ZSWIM7: variants seen among roughly 807,000 people sequenced by gnomAD.
ZSWIM7 encodes the protein zinc finger SWIM-type containing 7, also known as zinc finger SWIM domain-containing protein 7.
ZSWIM7 carries 22 observed loss-of-function variants against 21.1 expected under a neutral mutation model. The ratio of observed to expected loss-of-function variants is 1.04; its 90% CI spans 0.74 to 1.49. The LOEUF (loss-of-function observed/expected upper bound fraction) is 1.49, where lower values mean the gene tolerates loss of function less well. ZSWIM7 is among the 40% of genes most tolerant of loss of function. The pLI is 0.00. For missense variants in ZSWIM7, 193 were observed against 168.0 expected, an observed-to-expected ratio of 1.15 and a Z score of -0.82; for synonymous variants, 67 against 66.5, an observed-to-expected ratio of 1.01 and a Z score of -0.04.
chr17:15,986,033 T>C (rs1970405612), intron 3 of ZSWIM7, among the ~76,000 whole-genome samples: 1 of 148,724 alleles, frequency 6.7e-6, no homozygotes, highest in Non-Finnish European at 1.5e-5. Context: ...TCCAAGTTTT[T>C]TTTTGTGTTT....
chr17:15,982,970 C>A (rs1167764399), intron 3 of ZSWIM7, among the ~76,000 whole-genome samples: 1 of 152,044 alleles, frequency 6.6e-6, no homozygotes, highest in South Asian at 2.1e-4. Context: ...GGTTTTTTGA[C>A]GCAGTCAGAA....
In ZSWIM7 at chr17:15,981,063, G is replaced by A. The variant is rs1970349291; in HGVS notation, c.283C>T (p.Leu95=). The A allele has an allele frequency of 6.2e-7, 1 of 1,613,706 alleles. No homozygotes were observed. Among genetic ancestry groups the A allele is most frequent in the South Asian group, 1.1e-5 (1 of 91,048 alleles). Residue 95 remains leucine, a synonymous_variant, in exon 4 of 5, where the codon CTA becomes TTA. Coordinates refer to ENST00000399277, the MANE Select transcript of ZSWIM7 (RefSeq NM_001042697.2). ...ACCAGGATGCTGTCACTCTTCCGTA[G>A]CACTGAGAATGCAAATGCAGGACAT... ...CSCPAFAFSV[L]RKSDSILCKH... is the part of the protein sequence containing the mutation.
chr17:15,992,793 T>C (rs1353165769), intron 2 of ZSWIM7, among the ~76,000 whole-genome samples: 1 of 152,246 alleles, frequency 6.6e-6, no homozygotes, highest in African/African-American at 2.4e-5. Context: ...ATGACAATAC[T>C]GGATATGGTG....
rs544332187 is a variant in ZSWIM7 at position 15,993,661 on chromosome 17, C to T, written c.98+96G>A. Reference sequence around the variant, plus strand: ...GATTATAGGCGTGAGCCACTGCGCCCGGTCAAGAGTATTTTTAAAAATCAA... The same window carrying T: ...GATTATAGGCGTGAGCCACTGCGCCTGGTCAAGAGTATTTTTAAAAATCAA... On this transcript the variant is annotated intron_variant, in intron 2 of 4. Coordinates refer to ENST00000399277, the MANE Select transcript of ZSWIM7 (RefSeq NM_001042697.2). 7.0e-5 allele frequency: 71 copies of T among 1,009,544 alleles called. No individual in the cohort carries two copies. In the East Asian group the frequency reaches 1.3e-3, roughly 18 times the overall value. The allele number at this position is 1,009,544 out of a possible 1,614,324, so 62.5% of individuals were successfully genotyped here.
chr17:15,983,344 C>CAAA lies in ZSWIM7; in HGVS notation c.202-2203_202-2201dup, dbSNP rs58918337. On this transcript the variant is annotated intron_variant, in intron 3 of 4. Transcript: ENST00000399277. ...TGGGTGACAGGGCAAGACTCTGTCTCAAAAAAAAAAAAAAAAAAAAAAAAG... is the reference window on the plus strand; with the variant it reads ...TGGGTGACAGGGCAAGACTCTGTCTCAAAAAAAAAAAAAAAAAAAAAAAAAAAG... Among the ~76,000 whole-genome samples the CAAA allele has an allele frequency of 2.0e-3, 90 of 44,384 alleles. 3 individuals are homozygous for CAAA. The highest frequency in any genetic ancestry group is 0.021 in the Middle Eastern group (1 of 48). The allele number at this position is 44,384 out of a possible 152,430, so 29.1% of individuals were successfully genotyped here.
intron 3 of ZSWIM7, among the ~76,000 whole-genome samples, chr17:15,984,348 C>A (rs1412520780): frequency 6.6e-6 from 1 of 152,198 alleles, no homozygotes; most frequent in Non-Finnish European, 1.5e-5. Context: ...AGTGAAAAAA[C>A]AACTTCCTCT....
chr17:15,981,205 C>A, intron 3 of ZSWIM7, 61 bp from the exon 4 acceptor site: 1 of 1,262,822 alleles, frequency 7.9e-7, no homozygotes, highest in Non-Finnish European at 1.1e-6. Flanking sequence ...ACCTCTTTCC[C>A]TTTTTATTTA....
chr17:15,995,624 G>A (rs1000848241), intron 1 of ZSWIM7, among the ~76,000 whole-genome samples: 1 of 148,698 alleles, frequency 6.7e-6, no homozygotes, highest in African/African-American at 2.5e-5. Flanking sequence ...CAGAAAATCT[G>A]GAAGATAAAG....
rs574772182 is a variant in ZSWIM7 at position 15,979,670 on chromosome 17, AC to A, written c.306+1369del. Reference sequence around the variant, plus strand: ...GGGCGGCTGGCTGGGCGGAGGACTGACCCCCCCCACCTCCCTCCCGAATGGG... The same window carrying A: ...GGGCGGCTGGCTGGGCGGAGGACTGACCCCCCCACCTCCCTCCCGAATGGG... On this transcript the variant is annotated intron_variant, in intron 4 of 4. Coordinates refer to ENST00000399277, the MANE Select transcript of ZSWIM7 (RefSeq NM_001042697.2). 2.3e-4 allele frequency among the ~76,000 whole-genome samples: 23 copies of A among 101,300 alleles called. 3 individuals carry two copies. Among genetic ancestry groups the A allele is most frequent in the African/African-American group, 6.8e-4 (16 of 23,384 alleles). The allele number at this position is 101,300 out of a possible 152,430, so 66.5% of individuals were successfully genotyped here.
intron 2 of ZSWIM7, among the ~76,000 whole-genome samples, chr17:15,990,538 C>T (rs151088162): frequency 8.6e-5 from 13 of 152,008 alleles, no homozygotes; most frequent in Middle Eastern, 3.4e-3. Flanking sequence ...AGCTACCACA[C>T]CCGGCCTAAG....
At chr17:15,979,929 C>A (rs1380674226) in intron 4 of ZSWIM7, among the ~76,000 whole-genome samples, 1 of 110,580 alleles carries the variant, frequency 9.0e-6, no homozygotes. Context: ...ACCTCCCTCC[C>A]GGACGGGGCG....
intron 3 of ZSWIM7, among the ~76,000 whole-genome samples, chr17:15,982,143 G>GT (rs1381254043): frequency 4.6e-5 from 7 of 152,176 alleles, no homozygotes; most frequent in Non-Finnish European, 2.9e-5. Flanking sequence ...CAGTCTAACA[G>GT]TCTTGGTGGT....
At chr17:15,996,234 C>A (rs1970552633) in intron 1 of ZSWIM7, among the ~76,000 whole-genome samples, 1 of 152,100 alleles carries the variant, frequency 6.6e-6, no homozygotes, top group Non-Finnish European at 1.5e-5. Flanking sequence ...ACCCAGGAGG[C>A]AGAGGGTGCG....
intron 3 of ZSWIM7, among the ~76,000 whole-genome samples, chr17:15,984,969 C>G (rs1970392639): frequency 2.0e-5 from 3 of 152,258 alleles, no homozygotes; most frequent in Admixed American, 1.3e-4. Flanking sequence ...ATAACTTAGC[C>G]TCTCCTGACT....
At chr17:15,979,243 G>T (rs917841236) in intron 4 of ZSWIM7, among the ~76,000 whole-genome samples, 1 of 151,664 alleles carries the variant, frequency 6.6e-6, no homozygotes, top group African/African-American at 2.4e-5. Context: ...ATCTTGCACC[G>T]CCCTTAATCC....
At chr17:15,985,184 A>C (rs1354800242) in intron 3 of ZSWIM7, among the ~76,000 whole-genome samples, 2 of 152,100 alleles carry the variant, frequency 1.3e-5, no homozygotes, top group Non-Finnish European at 2.9e-5. Flanking sequence ...CACACCTGTA[A>C]TCCCAGCTAC....
At chr17:15,999,355 G>T (rs1263671116) in intron 1 of ZSWIM7, 164 bp downstream of exon 1, 4 of 967,322 alleles carry the variant, frequency 4.1e-6, no homozygotes, top group Admixed American at 2.3e-5. Context: ...TCGCTTTTTT[G>T]TTGTTTTGTT....
At chr17:15,980,573 G>C (rs1970344146) in intron 4 of ZSWIM7, among the ~76,000 whole-genome samples, 1 of 152,138 alleles carries the variant, frequency 6.6e-6, no homozygotes, top group African/African-American at 2.4e-5. Context: ...TCTGCTTCAT[G>C]GTCTGGACTC....
At chr17:15,994,585 A>C (rs887894338) in intron 1 of ZSWIM7, among the ~76,000 whole-genome samples, 1 of 152,178 alleles carries the variant, frequency 6.6e-6, no homozygotes, top group Non-Finnish European at 1.5e-5. Flanking sequence ...CCTTTCCCTC[A>C]TTCTGGCAAG....
Sources: gnomAD v4.1 joint callset for allele counts (sites outside exome capture counted in the v4.1 genomes callset) on GRCh38, gnomAD v4.1.1 for gene constraint, MANE v1.5 for transcripts, NCBI Gene and HGNC (gene_info 2026-07-23, HGNC 2026-07-21) for gene names.